The following MYO1G variants were observed in gnomAD, a reference collection of about 807,000 sequenced individuals.
MYO1G encodes myosin IG.
Under a neutral mutation model 115.3 loss-of-function variants are expected in MYO1G, and 65 were observed. That is an observed-to-expected ratio of 0.56 (90% CI 0.46 to 0.69). MYO1G has a LOEUF of 0.69. Among genes scored for constraint, MYO1G ranks in the 30% least tolerant of loss-of-function variants. The probability of loss-of-function intolerance (pLI) is 0.00; values close to 1 mark genes in which losing one functional copy is unlikely to be tolerated. For synonymous variants in MYO1G, 510 were observed against 552.6 expected, an observed-to-expected ratio of 0.92 and a Z score of 1.08; for missense variants, 1,204 against 1,393.5, an observed-to-expected ratio of 0.86 and a Z score of 2.16.
chr7:44,967,053 G>T (rs548743340), intron 14 of MYO1G, among the ~76,000 whole-genome samples: 6 of 152,340 alleles, frequency 3.9e-5, no homozygotes, highest in African/African-American at 7.2e-5. Flanking sequence ...CCCTGGTCGG[G>T]GGGTGGGGAG....
In MYO1G at chr7:44,966,336, C is replaced by T; in HGVS notation, c.1950-56G>A. The T allele has an allele frequency of 7.0e-7, 1 of 1,430,282 alleles. No homozygotes were observed. The highest frequency in any genetic ancestry group is 9.6e-7 in the Non-Finnish European group (1 of 1,045,552). 88.6% of individuals were successfully genotyped at this position (1,430,282 alleles called of 1,614,324 possible). A position where few individuals can be genotyped will look rare whatever the true frequency, so the allele number is the denominator to read the frequency against. On this transcript the variant is annotated intron_variant, in intron 15 of 21. Coordinates refer to ENST00000258787, the MANE Select transcript of MYO1G (RefSeq NM_033054.3). This position sits in a 1 kb window ranked among gnomAD's most constrained non-coding sequence, Gnocchi z 5.0. ...AGGCCTGGGGGAGAGATGATGGAGC[C>T]CACCCTGCCCACCCCACACCTGGGG...
In MYO1G at chr7:44,967,601, A is replaced by G. The variant is rs1378295988; in HGVS notation, c.1782+4T>C. 6.2e-7 allele frequency: 1 copy of G among 1,613,710 alleles called. No homozygotes were observed. Among genetic ancestry groups the G allele is most frequent in the African/African-American group, 1.3e-5 (1 of 74,958 alleles). On this transcript the variant is annotated splice_donor_region_variant and intron_variant, in intron 14 of 21. Coordinates refer to ENST00000258787, the MANE Select transcript of MYO1G (RefSeq NM_033054.3). ...AGCCAGAGTGGGAGAGGGGTGGAAC[A>G]TACCTTGGAGGCAAGGTTCTCCACC...
intron 9 of MYO1G, 36 bp from the exon 10 acceptor site, chr7:44,970,190 C>T (rs902673607): frequency 7.0e-7 from 1 of 1,438,438 alleles, no homozygotes; most frequent in Non-Finnish European, 9.8e-7. Context: ...GGGGAGGTCG[C>T]TGCTTGTGGA....
At chr7:44,968,062 C>A in intron 12 of MYO1G, 104 bp from the exon 13 acceptor site, 1 of 918,118 alleles carries the variant, frequency 1.1e-6, no homozygotes, top group South Asian at 1.4e-5. Context: ...CCTCTGTTCC[C>A]ATAGGTCAGT....
intron 6 of MYO1G, 123 bp from the exon 7 acceptor site, chr7:44,971,912 C>T (rs1450313253): frequency 1.3e-6 from 1 of 791,056 alleles, no homozygotes; most frequent in African/African-American, 1.7e-5. Flanking sequence ...CTTCCTGAAC[C>T]TGATTACTCC....
chr7:44,976,568 C>T lies in MYO1G; in HGVS notation c.394G>A (p.Glu132Lys). ...VTNPSQRAEVERVKDVLLKST... is the reference protein window; with the variant it reads ...VTNPSQRAEVKRVKDVLLKST... The stretch of plus-strand genomic sequence containing the variant: ...GAGCTGCCCATTGCCACTCACCTCT[C>T]CACCTCAGCCCTCTGGCTTGGATTG... The change falls in exon 3 of 22, where the codon GAG becomes AAG. Residue 132 changes from glutamate (E) to lysine (K), a missense_variant. Coordinates refer to ENST00000258787, the MANE Select transcript of MYO1G (RefSeq NM_033054.3). 2 of 1,614,084 alleles carry T rather than the reference C, an allele frequency of 1.2e-6. No individual in the cohort carries two copies. Among genetic ancestry groups the T allele is most frequent in the Non-Finnish European group, 1.7e-6 (2 of 1,179,974 alleles).
At position 44,966,572 on chromosome 7, in the gene MYO1G, C is replaced by A; in HGVS notation, c.1949+100G>T. The A allele has an allele frequency of 7.0e-7, 1 of 1,435,086 alleles. No homozygotes were observed. The highest frequency in any genetic ancestry group is 9.7e-7 in the Non-Finnish European group (1 of 1,026,286). The allele number at this position is 1,435,086 out of a possible 1,614,324, so 88.9% of individuals were successfully genotyped here. On this transcript the variant is annotated intron_variant, in intron 15 of 21. Coordinates refer to ENST00000258787, the MANE Select transcript of MYO1G (RefSeq NM_033054.3). This position sits in a 1 kb window ranked among gnomAD's most constrained non-coding sequence, Gnocchi z 5.0. Reference sequence around the variant, plus strand: ...GCAGCGTGCTGGTTCCTGCTTGTATCGATGTTTGCGACGTGCTGTTTGGGG... The same window carrying A: ...GCAGCGTGCTGGTTCCTGCTTGTATAGATGTTTGCGACGTGCTGTTTGGGG...
At chr7:44,972,958 C>T (rs7799043) in intron 5 of MYO1G, 57,607 of 151,922 alleles carry the variant, frequency 0.38, 11,284 homozygotes, top group East Asian at 0.62. Context: ...TGTGGAGACC[C>T]TGCCCTGTGT....
At chr7:44,973,454 A>C (rs1223635012) in intron 5 of MYO1G, 1 of 152,082 alleles carries the variant, frequency 6.6e-6, no homozygotes, top group Non-Finnish European at 1.5e-5. Flanking sequence ...GAGTCCGTGG[A>C]GACACTGCTT....
In MYO1G at chr7:44,976,558, A is replaced by G; in HGVS notation, c.398+6T>C. The G allele has an allele frequency of 6.2e-7, 1 of 1,613,186 alleles. No homozygotes were observed. ...CTGAGGCCCAGAGCTGCCCATTGCC[A>G]CTCACCTCTCCACCTCAGCCCTCTG... is the stretch of plus-strand genomic sequence containing the variant. On this transcript the variant is annotated splice_donor_region_variant and intron_variant, in intron 3 of 21. Coordinates refer to ENST00000258787, the MANE Select transcript of MYO1G (RefSeq NM_033054.3).
chr7:44,966,038 C>T lies in MYO1G; in HGVS notation c.2157+35G>A. ...CCTGGGACACAAGCTTTCCCCACCT[C>T]CATAGTGGATGTCTTCCTGCCCCGC... On this transcript the variant is annotated intron_variant, in intron 16 of 21. Coordinates refer to ENST00000258787, the MANE Select transcript of MYO1G (RefSeq NM_033054.3). This position sits in a 1 kb window ranked among gnomAD's most constrained non-coding sequence, Gnocchi z 5.0. 1 of 1,603,016 alleles carries T rather than the reference C, an allele frequency of 6.2e-7. No homozygotes were observed. The highest frequency in any genetic ancestry group is 1.1e-5 in the South Asian group (1 of 90,910).
In MYO1G at chr7:44,965,109, C is replaced by A. The variant is rs1448192843; in HGVS notation, c.2382-20G>T. The stretch of plus-strand genomic sequence containing the variant: ...CGCCACCTGGGAGAGGGCATGTAGT[C>A]AGACAGATGCTGGCCATGTGTTCAT... On this transcript the variant is annotated intron_variant, in intron 17 of 21. Transcript: ENST00000258787. 3 of 1,592,258 alleles carry A rather than the reference C, an allele frequency of 1.9e-6. No homozygotes were observed. The South Asian group carries it at 3.3e-5, about 18-fold the overall frequency.
At position 44,969,304 on chromosome 7, in the gene MYO1G, T is replaced by G. The variant is rs1794908032; in HGVS notation, c.1574+109A>C. On this transcript the variant is annotated intron_variant, in intron 12 of 21. Coordinates refer to ENST00000258787, the MANE Select transcript of MYO1G (RefSeq NM_033054.3). This position sits in a 1 kb window ranked among gnomAD's most constrained non-coding sequence, Gnocchi z 5.0. ...CTTAAAGGGGTGGGGGTGGCAGAAG[T>G]GGCCATAACACCTGTCTCCGAGCCA... The G allele has an allele frequency of 3.1e-6, 3 of 976,124 alleles. No homozygotes were observed. Among genetic ancestry groups the G allele is most frequent in the Non-Finnish European group, 5.0e-6 (3 of 605,268 alleles). The allele number at this position is 976,124 out of a possible 1,614,324, so 60.5% of individuals were successfully genotyped here. A position where few individuals can be genotyped will look rare whatever the true frequency, so the allele number is the denominator to read the frequency against.
chr7:44,974,155 G>A (rs1020343910), intron 5 of MYO1G: 1 of 150,418 alleles, frequency 6.6e-6, no homozygotes, highest in Non-Finnish European at 1.5e-5. Context: ...TCAGTGGGAA[G>A]TCAGAGTCGT....
At chr7:44,977,266 C>A (rs963429857) in intron 1 of MYO1G, among the ~76,000 whole-genome samples, 195 bp from the exon 2 acceptor site, 11 of 152,234 alleles carry the variant, frequency 7.2e-5, no homozygotes, top group Non-Finnish European at 1.5e-4. Flanking sequence ...CTGAGCCACT[C>A]AGAGACTGTC....
chr7:44,962,911 G>T lies in MYO1G; in HGVS notation c.2901-16C>A. ...GCGGCCCTCCCTGCGGCAGGAGGAGGGGTCAGGGCGGCCACGCGGCCGGGG... is the reference window on the plus strand; with the variant it reads ...GCGGCCCTCCCTGCGGCAGGAGGAGTGGTCAGGGCGGCCACGCGGCCGGGG... On this transcript the variant is annotated splice_polypyrimidine_tract_variant and intron_variant, in intron 21 of 21. Transcript: ENST00000258787. This position sits in a 1 kb window ranked among gnomAD's most constrained non-coding sequence, Gnocchi z 5.3. 1 of 1,488,268 alleles carries T rather than the reference G, an allele frequency of 6.7e-7. No individual in the cohort carries two copies. Among genetic ancestry groups the T allele is most frequent in the Non-Finnish European group, 8.9e-7 (1 of 1,121,350 alleles). The allele number at this position is 1,488,268 out of a possible 1,614,324, so 92.2% of individuals were successfully genotyped here. A position where few individuals can be genotyped will look rare whatever the true frequency, so the allele number is the denominator to read the frequency against.
In MYO1G at chr7:44,977,602, C is replaced by T. The variant is rs559605081; in HGVS notation, c.96-531G>A. On this transcript the variant is annotated intron_variant, in intron 1 of 21. Coordinates refer to ENST00000258787, the MANE Select transcript of MYO1G (RefSeq NM_033054.3). ...GTTGATGTCGTTGTCTTTACACCCC[C>T]GACCCCCCAGCCTGTGGCCAGTGGC... 1.2e-4 allele frequency among the ~76,000 whole-genome samples: 19 copies of T among 152,220 alleles called. No individual in the cohort carries two copies. The East Asian group carries it at 2.5e-3, about 20-fold the overall frequency.
In MYO1G at chr7:44,962,900, G is replaced by T. The variant is rs1328881253; in HGVS notation, c.2901-5C>A. 4.7e-6 allele frequency: 7 copies of T among 1,488,554 alleles called. No homozygotes were observed. The highest frequency in any genetic ancestry group is 1.3e-5 in the South Asian group (1 of 76,428). 92.2% of individuals were successfully genotyped at this position (1,488,554 alleles called of 1,614,324 possible). The stretch of plus-strand genomic sequence containing the variant: ...ACCTCCAGGGTGCGGCCCTCCCTGC[G>T]GCAGGAGGAGGGGTCAGGGCGGCCA... On this transcript the variant is annotated splice_region_variant and splice_polypyrimidine_tract_variant and intron_variant, in intron 21 of 21. Transcript: ENST00000258787. This position sits in a 1 kb window ranked among gnomAD's most constrained non-coding sequence, Gnocchi z 5.3.
rs375171755 is a variant in MYO1G, at chr7:44,966,328, G to T, written c.1950-48C>A. The T allele has an allele frequency of 7.7e-5, 117 of 1,514,998 alleles. No homozygotes were observed. The African/African-American group carries it at 1.4e-3, about 18-fold the overall frequency. The allele number at this position is 1,514,998 out of a possible 1,614,324, so 93.8% of individuals were successfully genotyped here. On this transcript the variant is annotated intron_variant, in intron 15 of 21. Coordinates refer to ENST00000258787, the MANE Select transcript of MYO1G (RefSeq NM_033054.3). The surrounding 1 kb of genome is among the most constrained non-coding windows in gnomAD (Gnocchi z 5.0). Reference sequence around the variant, plus strand: ...TGTGGCCCAGGCCTGGGGGAGAGATGATGGAGCCCACCCTGCCCACCCCAC... The same window carrying T: ...TGTGGCCCAGGCCTGGGGGAGAGATTATGGAGCCCACCCTGCCCACCCCAC...
Sources: gnomAD v4.1 joint callset for allele counts (sites outside exome capture counted in the v4.1 genomes callset) on GRCh38, gnomAD v4.1.1 for gene constraint, Gnocchi (gnomAD v3.1) non-coding constraint, MANE v1.5 for transcripts, NCBI Gene and HGNC (gene_info 2026-07-23, HGNC 2026-07-21) for gene names.